The following ARFGEF2 variants were observed in gnomAD, a reference collection of about 807,000 sequenced individuals.
ARFGEF2 encodes the protein brefeldin A-inhibited guanine nucleotide-exchange protein 2.
A neutral mutation model predicts 219.9 loss-of-function variants in ARFGEF2; 74 were observed. The observed-to-expected ratio is 0.34, with a 90% CI of 0.28 to 0.41. The LOEUF (loss-of-function observed/expected upper bound fraction) is 0.41, where lower values mean the gene tolerates loss of function less well. ARFGEF2 is among the 10% of genes least tolerant of loss of function. ARFGEF2 has a pLI of 1.00. For missense variants in ARFGEF2, 1,743 were observed against 2,218.3 expected (o/e 0.79, Z 4.30); for synonymous variants, 733 against 799.2 (o/e 0.92, Z 1.40).
chr20:49,006,192 A>G (rs6512562), intron 26 of ARFGEF2, among the ~76,000 whole-genome samples: 32,031 of 151,748 alleles, frequency 0.21, 3,525 homozygotes, highest in Non-Finnish European at 0.24. Flanking sequence ...TACTCAGGAG[A>G]CTGAGGCAGG....
intron 20 of ARFGEF2, among the ~76,000 whole-genome samples, chr20:48,990,006 C>A (rs1017456421): frequency 5.3e-5 from 8 of 152,098 alleles, no homozygotes; most frequent in African/African-American, 1.7e-4. Context: ...ATGGAGAAAC[C>A]CCATCTCTAC....
At chr20:48,972,301 C>T (rs1345364482) in intron 10 of ARFGEF2, 25 bp from the exon 11 acceptor site, 3 of 1,526,464 alleles carry the variant, frequency 2.0e-6, no homozygotes, top group East Asian at 4.5e-5. Context: ...TAATTAGTGT[C>T]CTCCTTTGTC....
chr20:48,984,983 C>T (rs924287547), intron 15 of ARFGEF2, 143 bp downstream of exon 15: 2 of 1,464,240 alleles, frequency 1.4e-6, no homozygotes, highest in Non-Finnish European at 1.9e-6. Flanking sequence ...TTGTCCACCC[C>T]CGGGTTACAG....
intron 28 of ARFGEF2, 70 bp from the exon 29 acceptor site, chr20:49,013,494 A>T (rs371691809): frequency 1.9e-6 from 3 of 1,602,478 alleles, no homozygotes; most frequent in Non-Finnish European, 1.7e-6. Flanking sequence ...CTTAATCTGC[A>T]TATAGTTCCC....
chr20:48,939,331 G>A (rs934993127), intron 1 of ARFGEF2, among the ~76,000 whole-genome samples: 4 of 152,086 alleles, frequency 2.6e-5, no homozygotes, highest in Non-Finnish European at 5.9e-5. Context: ...CAATGCTAGC[G>A]AAGACCTCAT....
At chr20:48,963,649 C>G (rs1296861554) in intron 6 of ARFGEF2, among the ~76,000 whole-genome samples, 181 bp from the exon 7 acceptor site, 1 of 152,184 alleles carries the variant, frequency 6.6e-6, no homozygotes, top group Non-Finnish European at 1.5e-5. Flanking sequence ...CAGATGCTGC[C>G]TAAGTTTCCA....
At chr20:49,005,259 C>G (rs1269701523) in intron 26 of ARFGEF2, 38 bp downstream of exon 26, 5 of 1,613,048 alleles carry the variant, frequency 3.1e-6, no homozygotes, top group Non-Finnish European at 4.2e-6. Flanking sequence ...GGTCAAATTC[C>G]CCGTTGGGGC....
At chr20:48,988,699 AT>A in intron 18 of ARFGEF2, 37 bp downstream of exon 18, 1 of 1,594,192 alleles carries the variant, frequency 6.3e-7, no homozygotes, top group Non-Finnish European at 8.6e-7. Context: ...TTTAGTTCTA[AT>A]TTTTTAGTGT....
At chr20:48,954,630 G>T (rs1413006990) in intron 6 of ARFGEF2, among the ~76,000 whole-genome samples, 2 of 152,142 alleles carry the variant, frequency 1.3e-5, no homozygotes, top group Non-Finnish European at 2.9e-5. Context: ...GCACATATTT[G>T]AGCAGGTTTT....
rs1241350993 is a variant in ARFGEF2, at chr20:48,985,432, G to A, written c.2095G>A (p.Asp699Asn). 3 of 1,614,190 alleles carry A rather than the reference G, an allele frequency of 1.9e-6. No individual in the cohort carries two copies. Among genetic ancestry groups the A allele is most frequent in the Non-Finnish European group, 2.5e-6 (3 of 1,180,036 alleles). Residue 699 changes from aspartate to asparagine, a missense_variant, in exon 16 of 39, where the codon GAT becomes AAT. Asp to Asn is a conservative substitution (Grantham distance 23, BLOSUM62 1). Around this residue, in one of 5 missense-constraint regions of ARFGEF2, gnomAD observed 666 missense variants for 955.4 expected, o/e 0.70. Coordinates refer to ENST00000371917, the MANE Select transcript of ARFGEF2 (RefSeq NM_006420.3). The stretch of plus-strand genomic sequence containing the variant: ...GACCCAAGTAGGCGATTTTCTGGGA[G>A]ATAGCGCAAGGTTCAACAAGGAGGT... ...DSTQVGDFLG[D>N]SARFNKEVMY... is the part of the protein sequence containing the mutation.
chr20:49,032,434 C>T (rs192883695), intron 38 of ARFGEF2, among the ~76,000 whole-genome samples: 83 of 152,228 alleles, frequency 5.5e-4, no homozygotes, highest in Middle Eastern at 3.4e-3. Context: ...TGGTGAGTTT[C>T]AGTGCAGGAA....
intron 2 of ARFGEF2, among the ~76,000 whole-genome samples, chr20:48,941,528 C>T (rs2090993101): frequency 6.6e-6 from 1 of 152,160 alleles, no homozygotes; most frequent in Admixed American, 6.5e-5. Flanking sequence ...GGCCTGCTTC[C>T]TTAGGCATGA....
At chr20:48,931,722 G>A (rs1214015580) in intron 1 of ARFGEF2, among the ~76,000 whole-genome samples, 3 of 152,134 alleles carry the variant, frequency 2.0e-5, no homozygotes, top group Non-Finnish European at 2.9e-5. Context: ...CAAAGGCCCC[G>A]GGGCAGAAAT....
chr20:49,033,002 CTG>C lies in ARFGEF2; in HGVS notation c.5182-19_5182-18del, dbSNP rs759178808. 26 of 1,609,752 alleles carry C rather than the reference CTG, an allele frequency of 1.6e-5. No individual in the cohort carries two copies. The highest frequency in any genetic ancestry group is 2.0e-5 in the Non-Finnish European group (23 of 1,176,730). ...AAAAAAAAAAATTGTCTAATTTTATCTGTTTCTCTCCCACCTCAAGTTCAAAG... is the reference window on the plus strand; with the variant it reads ...AAAAAAAAAAATTGTCTAATTTTATCTTTCTCTCCCACCTCAAGTTCAAAG... On this transcript the variant is annotated intron_variant, in intron 38 of 38. Transcript: ENST00000371917.
At chr20:48,955,976 A>G (rs1053583188) in intron 6 of ARFGEF2, among the ~76,000 whole-genome samples, 9 of 152,224 alleles carry the variant, frequency 5.9e-5, no homozygotes, top group East Asian at 3.8e-4. Flanking sequence ...CAGTCAGTCA[A>G]TCTTAAAGGA....
At chr20:48,979,386 A>G (rs1165826954) in intron 14 of ARFGEF2, among the ~76,000 whole-genome samples, 1 of 152,172 alleles carries the variant, frequency 6.6e-6, no homozygotes, top group African/African-American at 2.4e-5. Context: ...CCAGTATTTT[A>G]TTGAGGATTT....
At chr20:48,994,156 T>G (rs1341309228) in intron 21 of ARFGEF2, among the ~76,000 whole-genome samples, 1 of 151,824 alleles carries the variant, frequency 6.6e-6, no homozygotes, top group Non-Finnish European at 1.5e-5. Context: ...GATGACAAGT[T>G]AAAGGAGCAA....
chr20:49,012,691 T>C (rs982514896), intron 28 of ARFGEF2, among the ~76,000 whole-genome samples: 1 of 152,204 alleles, frequency 6.6e-6, no homozygotes, highest in Non-Finnish European at 1.5e-5. Context: ...TCTCATCTCT[T>C]ACAACAGCTC....
In ARFGEF2 at chr20:48,921,830, C is replaced by T. The variant is rs562458873; in HGVS notation, c.-60C>T. The T allele has an allele frequency of 1.4e-4, 202 of 1,438,442 alleles. No homozygotes were observed. Among genetic ancestry groups the T allele is most frequent in the Middle Eastern group, 6.0e-4 (3 of 5,030 alleles). 89.1% of individuals were successfully genotyped at this position (1,438,442 alleles called of 1,614,324 possible). On this transcript the variant is annotated 5_prime_UTR_variant, in exon 1 of 39. Transcript: ENST00000371917. Reference sequence around the variant, plus strand: ...CCGGGACGCCGGGCCCGCAGCCTAGCTCGCCATCTCGCTCACGCCGCCCGC... The same window carrying T: ...CCGGGACGCCGGGCCCGCAGCCTAGTTCGCCATCTCGCTCACGCCGCCCGC...
Sources: gnomAD v4.1 joint callset for allele counts (sites outside exome capture counted in the v4.1 genomes callset) on GRCh38, gnomAD v4.1.1 for gene constraint, gnomAD v4.1.1 regional missense constraint, MANE v1.5 for transcripts, NCBI Gene and HGNC (gene_info 2026-07-23, HGNC 2026-07-21) for gene names.